Variants in NDST4 observed in about 807,000 individuals in gnomAD.
The protein encoded by NDST4 is N-heparan sulfate sulfotransferase 4.
In NDST4, 63 loss-of-function variants were observed where a neutral mutation model predicts 100.8. That is an observed-to-expected ratio of 0.62 (90% CI 0.51 to 0.77). NDST4 has a LOEUF of 0.77. Ranked by LOEUF, NDST4 falls within the 30% of genes least tolerant of loss-of-function variation. The pLI is 0.00. For synonymous variants in NDST4, 377 were observed against 361.8 expected (o/e 1.04, Z -0.48); for missense variants, 943 against 1,018.4 (o/e 0.93, Z 1.01).
intron 2 of NDST4, among the ~76,000 whole-genome samples, chr4:114,987,488 C>A (rs1726939600): frequency 6.6e-6 from 1 of 152,116 alleles, no homozygotes; most frequent in Non-Finnish European, 1.5e-5. Context: ...GATGTTTGAG[C>A]TACCTTCTTC....
At chr4:114,882,364 T>C (rs1030068547) in intron 6 of NDST4, among the ~76,000 whole-genome samples, 1 of 152,020 alleles carries the variant, frequency 6.6e-6, no homozygotes, top group Admixed American at 6.6e-5. Context: ...ACTTCTGCAA[T>C]AGGATATGGG....
chr4:114,836,471 T>C (rs966858431), intron 11 of NDST4, among the ~76,000 whole-genome samples: 2 of 152,192 alleles, frequency 1.3e-5, no homozygotes, highest in African/African-American at 4.8e-5. Flanking sequence ...CTTGTAGGGG[T>C]TCTGCAGAGA....
intron 6 of NDST4, among the ~76,000 whole-genome samples, chr4:114,925,179 T>G (rs1725364301): frequency 6.6e-6 from 1 of 152,144 alleles, no homozygotes; most frequent in Non-Finnish European, 1.5e-5. Context: ...GTGGTTTCTA[T>G]TTCTATAAAC....
At chr4:115,093,908 G>A (rs1254489313) in intron 1 of NDST4, among the ~76,000 whole-genome samples, 3 of 151,744 alleles carry the variant, frequency 2.0e-5, no homozygotes, top group African/African-American at 7.3e-5. Flanking sequence ...ATGGTAGAAG[G>A]AAAGAAACAA....
At chr4:115,029,934 T>G (rs1728079081) in intron 2 of NDST4, among the ~76,000 whole-genome samples, 3 of 152,154 alleles carry the variant, frequency 2.0e-5, no homozygotes, top group African/African-American at 7.2e-5. Flanking sequence ...GAATGGGGCA[T>G]AATTTTGTGA....
intron 2 of NDST4, 150 bp downstream of exon 2, chr4:115,075,909 T>C (rs1316473258): frequency 2.3e-6 from 2 of 883,360 alleles, no homozygotes; most frequent in African/African-American, 3.4e-5. Context: ...AATGGTTAAG[T>C]CTTGGTTCAA....
At chr4:114,918,414 G>C in intron 6 of NDST4, among the ~76,000 whole-genome samples, 1 of 107,492 alleles carries the variant, frequency 9.3e-6, no homozygotes, top group African/African-American at 3.6e-5. Context: ...AGGGGGGAGG[G>C]ATAGCATTGG....
chr4:114,954,126 C>A (rs1187709476), intron 4 of NDST4, among the ~76,000 whole-genome samples: 1 of 152,066 alleles, frequency 6.6e-6, no homozygotes, highest in African/African-American at 2.4e-5. Flanking sequence ...AGCAAATTTT[C>A]ACTGCTCTGT....
Position 115,024,957 on chromosome 4 carries a change from C to T in NDST4, c.979-47683G>A, listed in dbSNP as rs554077693. On this transcript the variant is annotated intron_variant, in intron 2 of 13. Coordinates refer to ENST00000264363, the MANE Select transcript of NDST4 (RefSeq NM_022569.3). The stretch of plus-strand genomic sequence containing the variant: ...TCTTGGGAGTGATAAAAGGTTGGCC[C>T]TATTTTTTCTCTGTTTTGGGAATTC... 1.2e-4 allele frequency among the ~76,000 whole-genome samples: 18 copies of T among 152,266 alleles called. No individual in the cohort carries two copies. In the South Asian group the frequency reaches 3.1e-3, roughly 26 times the overall value.
chr4:115,063,106 GT>G (rs1406421739), intron 2 of NDST4, among the ~76,000 whole-genome samples: 2 of 151,868 alleles, frequency 1.3e-5, no homozygotes, highest in African/African-American at 4.8e-5. Context: ...ATTATTCTCT[GT>G]TCTAAACTAA....
intron 2 of NDST4, among the ~76,000 whole-genome samples, chr4:115,019,377 A>C (rs971263929): frequency 2.0e-5 from 3 of 152,116 alleles, no homozygotes; most frequent in African/African-American, 7.2e-5. Flanking sequence ...TTCATCCAGG[A>C]CATACCCCAA....
intron 4 of NDST4, 55 bp downstream of exon 4, chr4:114,970,375 C>A (rs1365756314): frequency 6.7e-7 from 1 of 1,500,474 alleles, no homozygotes; most frequent in Non-Finnish European, 9.1e-7. Context: ...TTTTACACTT[C>A]CACCACAAGA....
intron 10 of NDST4, among the ~76,000 whole-genome samples, chr4:114,843,271 G>C (rs1210070824): frequency 6.6e-6 from 1 of 152,190 alleles, no homozygotes; most frequent in East Asian, 1.9e-4. Context: ...TAAGAACTCA[G>C]AATGCAGGCA....
At chr4:114,829,925 G>T (rs1236958032) in intron 12 of NDST4, 33 bp from the exon 13 acceptor site, 3 of 1,508,356 alleles carry the variant, frequency 2.0e-6, no homozygotes, top group Non-Finnish European at 2.7e-6. Context: ...ATTACAAATT[G>T]TATGCAGAAT....
chr4:115,053,325 T>A (rs528638070), intron 2 of NDST4, among the ~76,000 whole-genome samples: 1 of 152,140 alleles, frequency 6.6e-6, no homozygotes, highest in African/African-American at 2.4e-5. Context: ...TGTACTTAAA[T>A]AGGATGGACT....
intron 1 of NDST4, among the ~76,000 whole-genome samples, chr4:115,083,026 G>A (rs568425347): frequency 3.9e-4 from 60 of 152,240 alleles, no homozygotes; most frequent in African/African-American, 7.9e-4. Flanking sequence ...TTGACTTTTC[G>A]TGATGGCTGT....
At chr4:114,827,999 C>A in intron 13 of NDST4, 64 bp from the exon 14 acceptor site, 2 of 1,458,568 alleles carry the variant, frequency 1.4e-6, no homozygotes, top group South Asian at 2.6e-5. Context: ...ATATTGTAAT[C>A]TATATTTCTT....
chr4:115,017,011 G>T (rs1456068076), intron 2 of NDST4, among the ~76,000 whole-genome samples: 1 of 151,944 alleles, frequency 6.6e-6, no homozygotes, highest in Non-Finnish European at 1.5e-5. Flanking sequence ...GTGTGTGTGT[G>T]TGTGTGTGTG....
chr4:114,844,339 C>A (rs1254488259), intron 10 of NDST4, among the ~76,000 whole-genome samples: 1 of 152,236 alleles, frequency 6.6e-6, no homozygotes, highest in Non-Finnish European at 1.5e-5. Flanking sequence ...CTTTCAGTTG[C>A]TCAACAAATG....
Sources: gnomAD v4.1 joint callset for allele counts (sites outside exome capture counted in the v4.1 genomes callset) on GRCh38, gnomAD v4.1.1 for gene constraint, MANE v1.5 for transcripts, NCBI Gene and HGNC (gene_info 2026-07-23, HGNC 2026-07-21) for gene names.